DOCK8: variants seen among roughly 807,000 people sequenced by gnomAD.
DOCK8 encodes the protein dedicator of cytokinesis 8, also known as dedicator of cytokinesis protein 8.
Under a neutral mutation model 245.6 loss-of-function variants are expected in DOCK8, and 141 were observed. The ratio of observed to expected loss-of-function variants is 0.57; its 90% CI spans 0.50 to 0.66. DOCK8 has a LOEUF of 0.66. Among genes scored for constraint, DOCK8 ranks in the 30% least tolerant of loss-of-function variants. The probability of loss-of-function intolerance (pLI) is 0.00; values close to 1 mark genes in which losing one functional copy is unlikely to be tolerated. For synonymous variants in DOCK8, 1,168 were observed against 970.2 expected (o/e 1.20, Z -3.79); for missense variants, 2,965 against 2,603.4 (o/e 1.14, Z -3.02).
intron 7 of DOCK8, among the ~76,000 whole-genome samples, chr9:323,509 C>T (rs1266319102): frequency 6.6e-6 from 1 of 152,168 alleles, no homozygotes; most frequent in Non-Finnish European, 1.5e-5. Flanking sequence ...GCATGAGCCA[C>T]TGCGCCTGGC....
intron 4 of DOCK8, among the ~76,000 whole-genome samples, chr9:294,962 C>G (rs12552019): frequency 0.026 from 4,010 of 152,226 alleles, 86 homozygotes; most frequent in Middle Eastern, 0.065. Flanking sequence ...GAGTTCCAGA[C>G]CAGCCTGACC....
intron 1 of DOCK8, among the ~76,000 whole-genome samples, chr9:239,667 G>C (rs12342533): frequency 1.3e-5 from 2 of 151,994 alleles, no homozygotes; most frequent in East Asian, 1.9e-4. Context: ...AGAAGTGCAG[G>C]TAAGCAAATA....
chr9:421,229 A>G (rs1301168110), intron 32 of DOCK8, 151 bp downstream of exon 32: 1 of 1,101,880 alleles, frequency 9.1e-7, no homozygotes, highest in African/African-American at 1.5e-5. Context: ...TCTGTGTGTG[A>G]CATTTGTGTT....
chr9:293,456 A>T (rs964283602), intron 4 of DOCK8, among the ~76,000 whole-genome samples: 1 of 152,228 alleles, frequency 6.6e-6, no homozygotes, highest in East Asian at 1.9e-4. Context: ...AAGGAGAAGG[A>T]CAAGGAGAAG....
At chr9:378,626 C>G (rs2053613642) in intron 20 of DOCK8, among the ~76,000 whole-genome samples, 1 of 152,240 alleles carries the variant, frequency 6.6e-6, no homozygotes, top group Admixed American at 6.5e-5. Context: ...ATGTGGCACA[C>G]TGCTTTGTAT....
chr9:218,264 G>T (rs545778120), intron 1 of DOCK8, among the ~76,000 whole-genome samples: 2 of 152,076 alleles, frequency 1.3e-5, no homozygotes, highest in Non-Finnish European at 2.9e-5. Context: ...ATATTTGTGG[G>T]ATAAAACCAG....
At chr9:438,327 A>G (rs1167300074) in intron 39 of DOCK8, among the ~76,000 whole-genome samples, 1 of 152,218 alleles carries the variant, frequency 6.6e-6, no homozygotes, top group Non-Finnish European at 1.5e-5. Flanking sequence ...GCTACAGTTG[A>G]TTAGTTATGC....
At chr9:215,477 G>C in intron 1 of DOCK8, 1 of 1,476,926 alleles carries the variant, frequency 6.8e-7, no homozygotes, top group South Asian at 1.4e-5. Context: ...GTTTGAGGCA[G>C]GCTGCAAGCC....
chr9:286,250 C>T (rs1424228012), intron 2 of DOCK8, among the ~76,000 whole-genome samples: 1 of 152,162 alleles, frequency 6.6e-6, no homozygotes, highest in Non-Finnish European at 1.5e-5. Flanking sequence ...TTTAATTACT[C>T]ATCATGTTAT....
chr9:257,067 A>G (rs2047795172), intron 1 of DOCK8, among the ~76,000 whole-genome samples: 1 of 152,202 alleles, frequency 6.6e-6, no homozygotes, highest in Non-Finnish European at 1.5e-5. Context: ...ACAGTCAACA[A>G]TTAATAGCTT....
At position 464,269 on chromosome 9, in the gene DOCK8, G is replaced by C. The variant is rs377597644; in HGVS notation, c.*50G>C. ...ACTGTGGCCCTGCAACCCTGGAGAA[G>C]GACTTGCTGGTACTTAAAAAATGGG... is the stretch of plus-strand genomic sequence containing the variant. On this transcript the variant is annotated 3_prime_UTR_variant, in exon 48 of 48. Transcript: ENST00000432829. 14 of 1,506,864 alleles carry C rather than the reference G, an allele frequency of 9.3e-6. No homozygotes were observed. In the African/African-American group the frequency reaches 1.2e-4, roughly 13 times the overall value. 93.3% of individuals were successfully genotyped at this position (1,506,864 alleles called of 1,614,324 possible). A position where few individuals can be genotyped will look rare whatever the true frequency, so the allele number is the denominator to read the frequency against.
At chr9:401,615 T>G (rs1167363715) in intron 26 of DOCK8, among the ~76,000 whole-genome samples, 1 of 152,122 alleles carries the variant, frequency 6.6e-6, no homozygotes, top group Non-Finnish European at 1.5e-5. Context: ...ATGAGCTATT[T>G]TTGTTAATGA....
At chr9:397,091 T>G (rs1691081726) in intron 25 of DOCK8, among the ~76,000 whole-genome samples, 157 bp downstream of exon 25, 1 of 152,120 alleles carries the variant, frequency 6.6e-6, no homozygotes, top group South Asian at 2.1e-4. Context: ...GACCCTGATG[T>G]GGGGCTGGAA....
chr9:265,651 C>T (rs1386046315), intron 1 of DOCK8, among the ~76,000 whole-genome samples: 1 of 152,142 alleles, frequency 6.6e-6, no homozygotes, highest in Non-Finnish European at 1.5e-5. Flanking sequence ...ATCCATCCAG[C>T]CATTTTGGCT....
At chr9:354,198 G>C (rs570205903) in intron 14 of DOCK8, among the ~76,000 whole-genome samples, 1 of 152,266 alleles carries the variant, frequency 6.6e-6, no homozygotes, top group Admixed American at 6.5e-5. Flanking sequence ...CAGCCGTGGT[G>C]ACGGGCGCCT....
chr9:241,418 C>G (rs1303583925), intron 1 of DOCK8, among the ~76,000 whole-genome samples: 2 of 152,116 alleles, frequency 1.3e-5, no homozygotes, highest in African/African-American at 2.4e-5. Flanking sequence ...AAACTCTGTT[C>G]TACTTTTTAC....
intron 1 of DOCK8, among the ~76,000 whole-genome samples, chr9:243,753 C>T (rs1441920792): frequency 1.3e-5 from 2 of 152,024 alleles, no homozygotes; most frequent in African/African-American, 2.4e-5. Context: ...ACTCTGATAC[C>T]CAAATGTGTT....
intron 18 of DOCK8, among the ~76,000 whole-genome samples, chr9:373,718 G>A (rs867315384): frequency 6.6e-6 from 1 of 152,098 alleles, no homozygotes; most frequent in East Asian, 1.9e-4. Context: ...TCCTTAAAGA[G>A]AGAACCAACT....
intron 1 of DOCK8, among the ~76,000 whole-genome samples, chr9:266,230 T>C (rs993761799): frequency 6.6e-6 from 1 of 152,184 alleles, no homozygotes. Flanking sequence ...ACTGTGCATA[T>C]TCCTGTAATA....
Sources: allele counts gnomAD v4.1 joint callset (sites outside exome capture counted in the v4.1 genomes callset), GRCh38; gene constraint gnomAD v4.1.1; transcripts MANE v1.5; gene names NCBI Gene and HGNC (gene_info 2026-07-23, HGNC 2026-07-21).